The following GPC6 variants were observed in gnomAD, a reference collection of about 807,000 sequenced individuals.
The protein encoded by GPC6 is glypican-6.
GPC6 carries 14 observed loss-of-function variants against 55.2 expected under a neutral mutation model. The ratio of observed to expected loss-of-function variants is 0.25; its 90% CI spans 0.17 to 0.40. GPC6 has a LOEUF of 0.40. GPC6 is among the 10% of genes least tolerant of loss of function. The pLI, the probability that GPC6 is intolerant of heterozygous loss-of-function variation, is 1.00. For synonymous variants in GPC6, 278 were observed against 259.6 expected (o/e 1.07, Z -0.68); for missense variants, 641 against 708.5 (o/e 0.90, Z 1.08).
At chr13:93,449,477 G>A (rs1201506630) in intron 1 of GPC6, among the ~76,000 whole-genome samples, 1 of 149,922 alleles carries the variant, frequency 6.7e-6, no homozygotes, top group Non-Finnish European at 1.5e-5. Context: ...TCTTTCTTCT[G>A]CACTCCATGG....
At chr13:93,656,150 G>A (rs2139605692) in intron 2 of GPC6, among the ~76,000 whole-genome samples, 1 of 152,178 alleles carries the variant, frequency 6.6e-6, no homozygotes, top group Non-Finnish European at 1.5e-5. Context: ...TTAAAAATTA[G>A]CTAGTGAATT....
At chr13:93,329,531 G>A (rs1566301965) in intron 1 of GPC6, among the ~76,000 whole-genome samples, 1 of 152,166 alleles carries the variant, frequency 6.6e-6, no homozygotes, top group Non-Finnish European at 1.5e-5. Context: ...AGCTAATAGG[G>A]ATTTATGTTA....
intron 1 of GPC6, among the ~76,000 whole-genome samples, chr13:93,430,888 C>G (rs560345460): frequency 3.3e-5 from 5 of 152,150 alleles, no homozygotes; most frequent in African/African-American, 1.2e-4. Context: ...TTAAACTGTT[C>G]AACAAGTTTT....
chr13:93,646,716 C>A (rs1239277346), intron 2 of GPC6, among the ~76,000 whole-genome samples: 1 of 151,858 alleles, frequency 6.6e-6, no homozygotes, highest in African/African-American at 2.4e-5. Flanking sequence ...TTAATTAGTT[C>A]CTATAACTTG....
At chr13:94,038,034 A>T (rs1398748411) in intron 4 of GPC6, among the ~76,000 whole-genome samples, 1 of 151,896 alleles carries the variant, frequency 6.6e-6, no homozygotes, top group Non-Finnish European at 1.5e-5. Context: ...GAACACTTAC[A>T]ATGTGGCTAG....
intron 3 of GPC6, among the ~76,000 whole-genome samples, chr13:93,943,689 T>G (rs963172610): frequency 1.3e-5 from 2 of 152,166 alleles, no homozygotes; most frequent in African/African-American, 4.8e-5. Flanking sequence ...TTTTTAAAAT[T>G]TCTTCACCCT....
intron 4 of GPC6, among the ~76,000 whole-genome samples, chr13:94,246,533 A>G (rs1891200125): frequency 6.6e-6 from 1 of 152,182 alleles, no homozygotes; most frequent in East Asian, 1.9e-4. Flanking sequence ...GTTGATTTTT[A>G]TGCATGGCAT....
rs150935310 is a variant in GPC6, at chr13:93,466,916, G to C, written c.161-78347G>C. Among the ~76,000 whole-genome samples, 94 of 152,208 alleles carry C rather than the reference G, an allele frequency of 6.2e-4. No homozygotes were observed. The East Asian group carries it at 0.016, about 26-fold the overall frequency. ...CTCACTCAGTCCAAATCTGACCTGT[G>C]ATATTATCCTCAAAATAAATGCTTG... On this transcript the variant is annotated intron_variant, in intron 1 of 8. Coordinates refer to ENST00000377047, the MANE Select transcript of GPC6 (RefSeq NM_005708.5).
chr13:94,023,626 A>G (rs1195216688), intron 3 of GPC6, among the ~76,000 whole-genome samples: 1 of 152,046 alleles, frequency 6.6e-6, no homozygotes, highest in East Asian at 1.9e-4. Flanking sequence ...ACCCTTGGGC[A>G]TTTCTTTCAG....
chr13:93,664,592 A>G (rs1881054851), intron 2 of GPC6, among the ~76,000 whole-genome samples: 1 of 151,144 alleles, frequency 6.6e-6, no homozygotes, highest in African/African-American at 2.4e-5. Context: ...ATCTTCAGGA[A>G]GCATACTCTG....
At chr13:93,950,189 AAATT>A (rs969269575) in intron 3 of GPC6, among the ~76,000 whole-genome samples, 11 of 152,200 alleles carry the variant, frequency 7.2e-5, no homozygotes, top group Admixed American at 2.6e-4. Flanking sequence ...ACCACGATAA[AAATT>A]AAATAAATAA....
rs150969024 is a variant in GPC6 at position 93,418,935 on chromosome 13, A to G, written c.161-126328A>G. ...ATTATTTTATTAATAGCACTATACC[A>G]TAGTATTATTTTATTAATAGCACTA... On this transcript the variant is annotated intron_variant, in intron 1 of 8. Coordinates refer to ENST00000377047, the MANE Select transcript of GPC6 (RefSeq NM_005708.5). 3.6e-3 allele frequency among the ~76,000 whole-genome samples: 546 copies of G among 151,002 alleles called. 4 individuals carry two copies. The highest frequency in any genetic ancestry group is 0.012 in the African/African-American group (503 of 41,184).
intron 3 of GPC6, among the ~76,000 whole-genome samples, chr13:93,872,236 A>G (rs1889152464): frequency 1.3e-5 from 2 of 152,012 alleles, no homozygotes; most frequent in South Asian, 4.1e-4. Flanking sequence ...AAAATTTGCC[A>G]GTAAAAAACA....
intron 4 of GPC6, among the ~76,000 whole-genome samples, chr13:94,059,524 C>G (rs1035564078): frequency 2.0e-5 from 3 of 152,032 alleles, no homozygotes; most frequent in Non-Finnish European, 1.5e-5. Flanking sequence ...GGGTTTAAAA[C>G]CCATGAACAC....
intron 4 of GPC6, among the ~76,000 whole-genome samples, 199 bp downstream of exon 4, chr13:94,028,093 C>G (rs1191424914): frequency 1.3e-5 from 2 of 151,900 alleles, no homozygotes; most frequent in African/African-American, 4.8e-5. Flanking sequence ...AGTGAGATTC[C>G]CATCTTTACA....
At chr13:94,097,075 AAC>A (rs780969983) in intron 4 of GPC6, among the ~76,000 whole-genome samples, 1 of 151,206 alleles carries the variant, frequency 6.6e-6, no homozygotes, top group East Asian at 1.9e-4. Context: ...CACAGTGCCC[AAC>A]ACACAGTAAG....
chr13:93,272,877 G>A (rs1287933310), intron 1 of GPC6, among the ~76,000 whole-genome samples: 2 of 152,146 alleles, frequency 1.3e-5, no homozygotes, highest in African/African-American at 2.4e-5. Flanking sequence ...TCCCAGCTGC[G>A]GAAACAGAAT....
chr13:93,438,864 G>A lies in GPC6; in HGVS notation c.161-106399G>A, dbSNP rs555261853. ...ACAGGAAACTGTTTAATGAAGAGAAGATTCAATTGATAGGACACATTTTAT... is the reference window on the plus strand; with the variant it reads ...ACAGGAAACTGTTTAATGAAGAGAAAATTCAATTGATAGGACACATTTTAT... On this transcript the variant is annotated intron_variant, in intron 1 of 8. Transcript: ENST00000377047. Among the ~76,000 whole-genome samples, 4 of 152,194 alleles carry A rather than the reference G, an allele frequency of 2.6e-5. No homozygotes were observed. The South Asian group carries it at 6.2e-4, about 24-fold the overall frequency.
chr13:93,227,524 CG>C lies in GPC6; in HGVS notation c.70del (p.Asp24MetfsTer2). On this transcript the variant is annotated frameshift_variant, in exon 1 of 9. Coordinates refer to ENST00000377047, the MANE Select transcript of GPC6 (RefSeq NM_005708.5). LOFTEE classifies it high-confidence loss of function. This position sits in a 1 kb window ranked among gnomAD's most constrained non-coding sequence, Gnocchi z 4.3. ...LGLLLSLPAG[A>X]DVKARSCGEV... is the part of the protein sequence containing the mutation. ...CTGCTGCTCTCCCTCCCCGCCGGGG[CG>C]GATGTGAAGGCTCGGAGCTGCGGAG... The C allele has an allele frequency of 1.2e-6, 2 of 1,613,616 alleles. No individual in the cohort carries two copies. The highest frequency in any genetic ancestry group is 1.7e-6 in the Non-Finnish European group (2 of 1,179,620).
Sources: gnomAD v4.1 joint callset for allele counts (sites outside exome capture counted in the v4.1 genomes callset) on GRCh38, gnomAD v4.1.1 for gene constraint, Gnocchi (gnomAD v3.1) non-coding constraint, MANE v1.5 for transcripts, NCBI Gene and HGNC (gene_info 2026-07-23, HGNC 2026-07-21) for gene names.